Variants in ITM2A observed in about 807,000 individuals in gnomAD.
ITM2A encodes the protein BRICHOS domain containing 2A.
Under a neutral mutation model 16.6 loss-of-function variants are expected in ITM2A, and 11 were observed. The observed-to-expected ratio is 0.66, with a 90% CI of 0.42 to 1.10. The LOEUF (loss-of-function observed/expected upper bound fraction) is 1.10, where lower values mean the gene tolerates loss of function less well. ITM2A is among the 50% of genes least tolerant of loss of function. The probability of loss-of-function intolerance (pLI) is 0.00; values close to 1 mark genes in which losing one functional copy is unlikely to be tolerated. For missense variants in ITM2A, 243 were observed against 206.8 expected, an observed-to-expected ratio of 1.17 and a Z score of -1.07; for synonymous variants, 102 against 71.2, an observed-to-expected ratio of 1.43 and a Z score of -2.18.
intron 1 of ITM2A, 26 bp downstream of exon 1, chrX:79,367,078 TC>T: frequency 1.7e-6 from 1 of 571,839 alleles, no homozygotes; most frequent in Non-Finnish European, 2.8e-6. Context: ...CGCCCACCCC[TC>T]CCCCATCCCG....
chrX:79,361,061 T>A lies in ITM2A; in HGVS notation c.*28A>T. ...CATATTGTAAATCTCTGACTTCTTA[T>A]TACCAAGGACACTCTATCTGTTGCC... is the stretch of plus-strand genomic sequence containing the variant. On this transcript the variant is annotated 3_prime_UTR_variant, in exon 6 of 6. Transcript: ENST00000373298. 1 of 941,710 alleles carries A rather than the reference T, an allele frequency of 1.1e-6. No individual in the cohort carries two copies. Among genetic ancestry groups the A allele is most frequent in the Non-Finnish European group, 1.5e-6 (1 of 662,141 alleles). 77.6% of individuals were successfully genotyped at this position (941,710 alleles called of 1,213,427 possible).
chrX:79,363,723 T>G (rs893830556), intron 1 of ITM2A, among the ~76,000 whole-genome samples, 169 bp from the exon 2 acceptor site: 2 of 112,085 alleles, frequency 1.8e-5, no homozygotes, highest in African/African-American at 6.5e-5. Flanking sequence ...ATCTAATAGA[T>G]GTTAAAAAAT....
chrX:79,363,505 A>G lies in ITM2A; in HGVS notation c.161T>C (p.Met54Thr), dbSNP rs11544868. 1 of 1,191,246 alleles carries G rather than the reference A, an allele frequency of 8.4e-7. No individual in the cohort carries two copies. The highest frequency in any genetic ancestry group is 1.1e-6 in the Non-Finnish European group (1 of 881,738). ...QEKEGSSGRC[M>T]LTLLGLSFIL... Reference sequence around the variant, plus strand: ...GAATGAAAGGCCTAAGAGAGTAAGCATACATCTCCCAGAGGAGCCCTCTTT... The same window carrying G: ...GAATGAAAGGCCTAAGAGAGTAAGCGTACATCTCCCAGAGGAGCCCTCTTT... Residue 54 changes from methionine (M) to threonine (T), a missense_variant, in exon 2 of 6, where the codon ATG (methionine) becomes ACG (threonine). Transcript: ENST00000373298.
intron 5 of ITM2A, 54 bp downstream of exon 5, chrX:79,361,275 A>G: frequency 8.9e-7 from 1 of 1,117,588 alleles, no homozygotes; most frequent in Non-Finnish European, 1.2e-6. Flanking sequence ...TTCTACCTCC[A>G]CTTTCTTCCA....
chrX:79,362,144 C>T (rs1449994119), intron 4 of ITM2A, among the ~76,000 whole-genome samples: 1 of 111,518 alleles, frequency 9.0e-6, no homozygotes, highest in Non-Finnish European at 1.9e-5. Context: ...TACACCAACA[C>T]CAATGGTGTA....
At position 79,360,966 on chromosome X, in the gene ITM2A, T is replaced by C; in HGVS notation, c.*123A>G. ...TAGTAGTTTTTTTTTTTCCTTTTTT[T>C]AAAGCATAAGCAATAGAGTAAATGC... On this transcript the variant is annotated 3_prime_UTR_variant, in exon 6 of 6. Transcript: ENST00000373298. The C allele has an allele frequency of 3.0e-6, 1 of 335,253 alleles. No homozygotes were observed. The highest frequency in any genetic ancestry group is 4.7e-5 in the East Asian group (1 of 21,111). The allele number at this position is 335,253 out of a possible 1,213,427, so 27.6% of individuals were successfully genotyped here. A position where few individuals can be genotyped will look rare whatever the true frequency, so the allele number is the denominator to read the frequency against.
Position 79,361,007 on chromosome X carries a change from G to T in ITM2A, c.*82C>A. ...GAGTAAATGCATGAGTAAATATCTT[G>T]AGTATCCCATAAACCTTAATGTTAA... On this transcript the variant is annotated 3_prime_UTR_variant, in exon 6 of 6. Transcript: ENST00000373298. The T allele has an allele frequency of 8.4e-6, 4 of 473,581 alleles. No homozygotes were observed. Among genetic ancestry groups the T allele is most frequent in the East Asian group, 4.1e-5 (1 of 24,479 alleles). 39.0% of individuals were successfully genotyped at this position (473,581 alleles called of 1,213,427 possible).
chrX:79,365,855 A>G (rs1925557718), intron 1 of ITM2A, among the ~76,000 whole-genome samples: 1 of 112,044 alleles, frequency 8.9e-6, no homozygotes, highest in Non-Finnish European at 1.9e-5. Flanking sequence ...TGTATAACAC[A>G]CAAAAGCTAG....
At chrX:79,361,514 T>G (rs920711935) in intron 4 of ITM2A, 35 bp from the exon 5 acceptor site, 5 of 1,150,321 alleles carry the variant, frequency 4.3e-6, no homozygotes, top group Non-Finnish European at 4.7e-6. Context: ...AATGAGAAAT[T>G]CTTTTTCCTT....
chrX:79,362,530 TAAA>T (rs771112413), intron 4 of ITM2A, 48 bp downstream of exon 4: 1 of 626,247 alleles, frequency 1.6e-6, no homozygotes. Flanking sequence ...AACAAGGAAG[TAAA>T]ATTACTTGGA....
chrX:79,363,127 G>C lies in ITM2A; in HGVS notation c.256C>G (p.Arg86Gly). 1 of 1,202,313 alleles carries C rather than the reference G, an allele frequency of 8.3e-7. No homozygotes were observed. The highest frequency in any genetic ancestry group is 3.0e-5 in the East Asian group (1 of 33,736). Reference sequence around the variant, plus strand: ...GAATCAAAAAAGCACATCTCTCCACGGTAAATGGTGCTCTAAAAGACAAAA... The same window carrying C: ...GAATCAAAAAAGCACATCTCTCCACCGTAAATGGTGCTCTAAAAGACAAAA... ...KYFMPKSTIYRGEMCFFDSED... is the reference protein window; with the variant it reads ...KYFMPKSTIYGGEMCFFDSED... The change falls in exon 3 of 6, where the codon CGT becomes GGT. Residue 86 changes from arginine (R) to glycine (G), a missense_variant. By Grantham distance (125) the Arg-to-Gly change is moderately radical. Coordinates refer to ENST00000373298, the MANE Select transcript of ITM2A (RefSeq NM_004867.5).
rs763559008 is a variant in ITM2A, at chrX:79,363,096, T to G, written c.287A>C (p.Asp96Ala). The G allele has an allele frequency of 8.3e-7, 1 of 1,209,513 alleles. No homozygotes were observed. Among genetic ancestry groups the G allele is most frequent in the Non-Finnish European group, 1.1e-6 (1 of 894,427 alleles). ...TCCTCCACGAAGGGAATTTGCAGGATCCTCAGAATCAAAAAAGCACATCTC... is the reference window on the plus strand; with the variant it reads ...TCCTCCACGAAGGGAATTTGCAGGAGCCTCAGAATCAAAAAAGCACATCTC... ...RGEMCFFDSE[D>A]PANSLRGGEP... Residue 96 changes from aspartate (D) to alanine (A), a missense_variant, in exon 3 of 6, where the codon GAT (aspartate) becomes GCT (alanine). Transcript: ENST00000373298.
At chrX:79,367,079 C>A (rs956640254) in intron 1 of ITM2A, 26 bp downstream of exon 1, 67 of 977,349 alleles carry the variant, frequency 6.9e-5, no homozygotes, top group Non-Finnish European at 9.6e-5. Context: ...GCCCACCCCT[C>A]CCCCATCCCG....
In ITM2A at chrX:79,362,629, A is replaced by G. The variant is rs1234472461; in HGVS notation, c.504T>C (p.Ser168=). The change falls in exon 4 of 6, where the codon TCT becomes TCC. Residue 168 remains serine (S), a synonymous_variant. Transcript: ENST00000373298. ...GNCYLMPLNT[S]IVMPPKNLVE... is the part of the protein sequence containing the mutation. Reference sequence around the variant, plus strand: ...CCAGATTTTTTGGAGGCATAACAATAGAAGTATTGAGGGGCATCAGATAGC... The same window carrying G: ...CCAGATTTTTTGGAGGCATAACAATGGAAGTATTGAGGGGCATCAGATAGC... 5 of 1,206,568 alleles carry G rather than the reference A, an allele frequency of 4.1e-6. No individual in the cohort carries two copies. The highest frequency in any genetic ancestry group is 3.5e-5 in the African/African-American group (2 of 57,590).
rs767144335 is a variant in ITM2A at position 79,362,993 on chromosome X, GACAGGC to G, written c.384_389del (p.Val130_Pro131del). Reference sequence around the variant, plus strand: ...CAGGGTCACTATCAGAGAAACTGGGGACAGGCACATCAATGATTGCAATGTTGTCAT... The same window carrying G: ...CAGGGTCACTATCAGAGAAACTGGGGACATCAATGATTGCAATGTTGTCAT... On this transcript the variant is annotated inframe_deletion, in exon 3 of 6. Transcript: ENST00000373298. The G allele has an allele frequency of 1.7e-5, 21 of 1,206,010 alleles. No homozygotes were observed. In the African/African-American group the frequency reaches 3.5e-4, roughly 20 times the overall value.
chrX:79,360,989 T>G lies in ITM2A; in HGVS notation c.*100A>C. ...TTTAAAGCATAAGCAATAGAGTAAA[T>G]GCATGAGTAAATATCTTGAGTATCC... On this transcript the variant is annotated 3_prime_UTR_variant, in exon 6 of 6. Transcript: ENST00000373298. 4.8e-6 allele frequency: 2 copies of G among 412,760 alleles called. No homozygotes were observed. Among genetic ancestry groups the G allele is most frequent in the Non-Finnish European group, 8.1e-6 (2 of 247,116 alleles). The allele number at this position is 412,760 out of a possible 1,213,427, so 34.0% of individuals were successfully genotyped here.
rs747745355 is a variant in ITM2A at position 79,361,372 on chromosome X, A to G, written c.660T>C (p.Asn220=). The G allele has an allele frequency of 4.1e-6, 5 of 1,209,468 alleles. No homozygotes were observed. Among genetic ancestry groups the G allele is most frequent in the Non-Finnish European group, 5.6e-6 (5 of 893,508 alleles). ...NLGIFIYQLC[N]NRKSFRLRRR... is the part of the protein sequence containing the mutation. ...GACGAAGGCGGAAGGACTTTCTGTT[A>G]TTGCAAAGTTGGTAAATAAAGATGC... The change falls in exon 5 of 6, where the codon AAT becomes AAC. Residue 220 remains asparagine (N), a synonymous_variant. Coordinates refer to ENST00000373298, the MANE Select transcript of ITM2A (RefSeq NM_004867.5).
Position 79,361,014 on chromosome X carries a change from C to T in ITM2A, c.*75G>A. ...TGCATGAGTAAATATCTTGAGTATC[C>T]CATAAACCTTAATGTTAAAGTCATA... On this transcript the variant is annotated 3_prime_UTR_variant, in exon 6 of 6. Coordinates refer to ENST00000373298, the MANE Select transcript of ITM2A (RefSeq NM_004867.5). The T allele has an allele frequency of 3.6e-6, 2 of 560,277 alleles. No homozygotes were observed. Among genetic ancestry groups the T allele is most frequent in the Non-Finnish European group, 5.8e-6 (2 of 345,165 alleles). 46.2% of individuals were successfully genotyped at this position (560,277 alleles called of 1,213,427 possible). A position where few individuals can be genotyped will look rare whatever the true frequency, so the allele number is the denominator to read the frequency against.
chrX:79,360,976 G>T lies in ITM2A; in HGVS notation c.*113C>A. The T allele has an allele frequency of 2.9e-6, 1 of 350,326 alleles. No individual in the cohort carries two copies. Among genetic ancestry groups the T allele is most frequent in the Non-Finnish European group, 4.8e-6 (1 of 208,201 alleles). The allele number at this position is 350,326 out of a possible 1,213,427, so 28.9% of individuals were successfully genotyped here. On this transcript the variant is annotated 3_prime_UTR_variant, in exon 6 of 6. Coordinates refer to ENST00000373298, the MANE Select transcript of ITM2A (RefSeq NM_004867.5). The stretch of plus-strand genomic sequence containing the variant: ...TTTTTTTCCTTTTTTTAAAGCATAA[G>T]CAATAGAGTAAATGCATGAGTAAAT...
Sources: allele counts gnomAD v4.1 joint callset (sites outside exome capture counted in the v4.1 genomes callset), GRCh38; gene constraint gnomAD v4.1.1; transcripts MANE v1.5; gene names NCBI Gene and HGNC (gene_info 2026-07-23, HGNC 2026-07-21).